The following EFCAB11 variants were observed in gnomAD, a reference collection of about 807,000 sequenced individuals.
EFCAB11 encodes EF-hand calcium binding domain 11, also known as EF-hand calcium-binding domain-containing protein 11.
In EFCAB11, 14 loss-of-function variants were observed where a neutral mutation model predicts 23.0. The observed-to-expected ratio is 0.61, with a 90% confidence interval of 0.40 to 0.95. EFCAB11 has a LOEUF of 0.95. EFCAB11 is among the 40% of genes least tolerant of loss of function. The probability of loss-of-function intolerance (pLI) is 0.00; values close to 1 mark genes in which losing one functional copy is unlikely to be tolerated. For synonymous variants in EFCAB11, 65 were observed against 66.6 expected, an observed-to-expected ratio of 0.98 and a Z score of 0.11; for missense variants, 198 against 195.8, an observed-to-expected ratio of 1.01 and a Z score of -0.07.
intron 5 of EFCAB11, among the ~76,000 whole-genome samples, chr14:89,892,774 T>C (rs1889016768): frequency 6.6e-6 from 1 of 152,052 alleles, no homozygotes. Flanking sequence ...TGGTGGTGCA[T>C]GCCTGTAATC....
chr14:89,897,957 A>G (rs1053669639), intron 5 of EFCAB11, among the ~76,000 whole-genome samples: 1 of 152,236 alleles, frequency 6.6e-6, no homozygotes, highest in African/African-American at 2.4e-5. Context: ...CAGTTCCTTC[A>G]GTACTAAGAA....
chr14:89,942,475 G>A (rs973572705), intron 3 of EFCAB11, among the ~76,000 whole-genome samples: 8 of 152,104 alleles, frequency 5.3e-5, no homozygotes, highest in Non-Finnish European at 1.2e-4. Context: ...ACAGATGACT[G>A]TTTTCCAGGT....
chr14:89,797,305 C>G lies in EFCAB11; in HGVS notation c.430G>C (p.Asp144His), dbSNP rs1203711193. The G allele has an allele frequency of 2.5e-6, 4 of 1,613,202 alleles. No homozygotes were observed. In the Admixed American group the frequency reaches 5.0e-5, roughly 20 times the overall value. Residue 144 changes from aspartate to histidine, a missense_variant, in exon 6 of 6, where the codon GAT becomes CAT. By Grantham distance (81) the Asp-to-His change is moderately conservative. Transcript: ENST00000316738. ...EVFREVDRDS[D>H]GHVSFRDFEY... ...AAGTCTCTAAAGCTGACGTGACCATCTGAATCTCGATCTACTTCCCTGGAA... is the reference window on the plus strand; with the variant it reads ...AAGTCTCTAAAGCTGACGTGACCATGTGAATCTCGATCTACTTCCCTGGAA...
chr14:89,915,232 T>C lies in EFCAB11; in HGVS notation c.410+16309A>G, dbSNP rs116362315. Among the ~76,000 whole-genome samples the C allele has an allele frequency of 2.7e-3, 413 of 152,354 alleles. 1 individual carries two copies. The highest frequency in any genetic ancestry group is 9.6e-3 in the African/African-American group (401 of 41,570). Reference sequence around the variant, plus strand: ...AACTTTGCAATTTCCAATATGTGAATATTAACATAGACCAATGACATTATT... The same window carrying C: ...AACTTTGCAATTTCCAATATGTGAACATTAACATAGACCAATGACATTATT... On this transcript the variant is annotated intron_variant, in intron 5 of 5. Coordinates refer to ENST00000316738, the MANE Select transcript of EFCAB11 (RefSeq NM_145231.4).
At chr14:89,946,438 T>A (rs990384851) in intron 3 of EFCAB11, among the ~76,000 whole-genome samples, 1 of 152,290 alleles carries the variant, frequency 6.6e-6, no homozygotes, top group Admixed American at 6.5e-5. Context: ...TTTAACAGTA[T>A]CTCCCTTTCA....
intron 5 of EFCAB11, among the ~76,000 whole-genome samples, chr14:89,842,028 T>A (rs1029091322): frequency 4.6e-5 from 7 of 152,156 alleles, no homozygotes; most frequent in African/African-American, 1.7e-4. Flanking sequence ...CCTCTGCTGG[T>A]GAACAGTATC....
chr14:89,899,943 C>T (rs1243705565), intron 5 of EFCAB11, among the ~76,000 whole-genome samples: 1 of 152,200 alleles, frequency 6.6e-6, no homozygotes, highest in Non-Finnish European at 1.5e-5. Flanking sequence ...CCTGCCACTC[C>T]ACTCTAAAGG....
intron 5 of EFCAB11, among the ~76,000 whole-genome samples, chr14:89,817,527 A>G (rs552250173): frequency 1.3e-5 from 2 of 152,334 alleles, no homozygotes; most frequent in Admixed American, 1.3e-4. Context: ...TTCTTAAAAA[A>G]AAATTATAAA....
intron 5 of EFCAB11, among the ~76,000 whole-genome samples, chr14:89,840,461 C>T (rs566253896): frequency 1.3e-5 from 2 of 152,304 alleles, no homozygotes; most frequent in East Asian, 1.9e-4. Context: ...TGATGCAGAA[C>T]ACAGCATGTT....
intron 3 of EFCAB11, among the ~76,000 whole-genome samples, chr14:89,948,478 G>T (rs1238509649): frequency 2.6e-5 from 4 of 152,200 alleles, no homozygotes; most frequent in Non-Finnish European, 5.9e-5. Flanking sequence ...CAATCCCACT[G>T]CTGGGTATAT....
intron 5 of EFCAB11, among the ~76,000 whole-genome samples, chr14:89,839,808 G>T (rs1190424402): frequency 6.6e-6 from 1 of 150,942 alleles, no homozygotes; most frequent in South Asian, 2.1e-4. Flanking sequence ...GAGAGGAAGG[G>T]GGGAGGTGCT....
At chr14:89,892,072 T>C (rs1888989080) in intron 5 of EFCAB11, 1 of 1,542,970 alleles carries the variant, frequency 6.5e-7, no homozygotes. Context: ...TGCTGGTCTT[T>C]GATGTGACAA....
At chr14:89,860,793 T>C (rs1404600731) in intron 5 of EFCAB11, among the ~76,000 whole-genome samples, 1 of 152,184 alleles carries the variant, frequency 6.6e-6, no homozygotes, top group African/African-American at 2.4e-5. Flanking sequence ...ACATTTTAAA[T>C]CTCCAGGTAT....
chr14:89,802,022 G>A (rs913325545), intron 5 of EFCAB11, among the ~76,000 whole-genome samples: 1 of 151,814 alleles, frequency 6.6e-6, no homozygotes, highest in African/African-American at 2.4e-5. Flanking sequence ...AATAGTCAAT[G>A]TTTCTCACAA....
intron 5 of EFCAB11, among the ~76,000 whole-genome samples, chr14:89,814,475 C>G (rs182688048): frequency 6.6e-6 from 1 of 152,120 alleles, no homozygotes; most frequent in Non-Finnish European, 1.5e-5. Flanking sequence ...GAGGGCGAGG[C>G]GGGCAGATCA....
At chr14:89,947,297 C>A (rs1891017721) in intron 3 of EFCAB11, among the ~76,000 whole-genome samples, 1 of 152,158 alleles carries the variant, frequency 6.6e-6, no homozygotes, top group Non-Finnish European at 1.5e-5. Flanking sequence ...TATCCCCTTA[C>A]ACAATAGGTC....
intron 3 of EFCAB11, among the ~76,000 whole-genome samples, chr14:89,942,468 G>A (rs1890825149): frequency 1.3e-5 from 2 of 152,134 alleles, no homozygotes; most frequent in Non-Finnish European, 1.5e-5. Context: ...AATAAGGACA[G>A]ATGACTGTTT....
Position 89,932,540 on chromosome 14 carries a change from G to A in EFCAB11, c.305C>T (p.Ala102Val), listed in dbSNP as rs752693309. Residue 102 changes from alanine to valine, a missense_variant, in exon 4 of 6, where the codon GCC becomes GTC. Transcript: ENST00000316738. ...YRNEVRHIFTAFDTYYRGFLT... is the reference protein window; with the variant it reads ...YRNEVRHIFTVFDTYYRGFLT... ...GAGACACTTACAGTAGGTGTCAAAG[G>A]CTGTGAAGATGTGTCTTACTTCGTT... 5 of 1,613,496 alleles carry A rather than the reference G, an allele frequency of 3.1e-6. No homozygotes were observed. In the Admixed American group the frequency reaches 8.3e-5, roughly 27 times the overall value.
intron 2 of EFCAB11, 117 bp downstream of exon 2, chr14:89,953,789 T>C: frequency 1.3e-6 from 1 of 770,430 alleles, no homozygotes; most frequent in Non-Finnish European, 2.1e-6. Context: ...TGGACACATC[T>C]CTGAAATTGC....
Sources: allele counts gnomAD v4.1 joint callset (sites outside exome capture counted in the v4.1 genomes callset), GRCh38; gene constraint gnomAD v4.1.1; transcripts MANE v1.5; gene names NCBI Gene and HGNC (gene_info 2026-07-23, HGNC 2026-07-21).